PREX2: variants seen among roughly 807,000 people sequenced by gnomAD.
PREX2 encodes the protein phosphatidylinositol 3,4,5-trisphosphate-dependent Rac exchanger 2 protein.
Under a neutral mutation model 203.2 loss-of-function variants are expected in PREX2, and 107 were observed. That is an observed-to-expected ratio of 0.53 (90% CI 0.45 to 0.62). The LOEUF (loss-of-function observed/expected upper bound fraction) is 0.62. Among genes scored for constraint, PREX2 ranks in the 20% least tolerant of loss-of-function variants. PREX2 has a pLI of 0.00. For missense variants in PREX2, 1,777 were observed against 1,955.9 expected, an observed-to-expected ratio of 0.91 and a Z score of 1.72; for synonymous variants, 672 against 663.6, an observed-to-expected ratio of 1.01 and a Z score of -0.19.
At chr8:67,975,960 C>T (rs1259441928) in intron 1 of PREX2, among the ~76,000 whole-genome samples, 2 of 151,306 alleles carry the variant, frequency 1.3e-5, no homozygotes, top group Non-Finnish European at 2.9e-5. Flanking sequence ...AGGTGATCCA[C>T]CTACCTTGGC....
Position 68,058,527 on chromosome 8 carries a change from G to A in PREX2, c.1239-2152G>A, listed in dbSNP as rs185153537. Among the ~76,000 whole-genome samples, 181 of 151,990 alleles carry A rather than the reference G, an allele frequency of 1.2e-3. 2 individuals carry two copies. The highest frequency in any genetic ancestry group is 2.2e-3 in the Admixed American group (33 of 15,246). Reference sequence around the variant, plus strand: ...CAGCTCACTGCAAACTCTGCCTCCCGGGTTCAAGTTATTCTCCTGTCTCAG... The same window carrying A: ...CAGCTCACTGCAAACTCTGCCTCCCAGGTTCAAGTTATTCTCCTGTCTCAG... On this transcript the variant is annotated intron_variant, in intron 10 of 39. Transcript: ENST00000288368.
intron 11 of PREX2, among the ~76,000 whole-genome samples, chr8:68,061,357 G>C (rs138523997): frequency 9.3e-4 from 141 of 152,314 alleles, no homozygotes; most frequent in Middle Eastern, 3.4e-3. Flanking sequence ...TATTCCGAGG[G>C]GGGCCAGGAG....
rs201616007 is a variant in PREX2, at chr8:68,099,861, T to G, written c.2715+18T>G. The stretch of plus-strand genomic sequence containing the variant: ...ATAAAAAGGTAAGTGTTCTATTGAT[T>G]TTATACACAATTATTGTTGAAATTA... On this transcript the variant is annotated intron_variant, in intron 23 of 39. Transcript: ENST00000288368. The G allele has an allele frequency of 1.4e-5, 22 of 1,557,416 alleles. No homozygotes were observed. Among genetic ancestry groups the G allele is most frequent in the Non-Finnish European group, 1.9e-5 (21 of 1,128,842 alleles).
chr8:68,136,733 C>A (rs1182194748), intron 32 of PREX2, among the ~76,000 whole-genome samples: 2 of 152,140 alleles, frequency 1.3e-5, no homozygotes, highest in African/African-American at 4.8e-5. Flanking sequence ...CTATATTAAA[C>A]ATCACACCAA....
At chr8:68,197,791 T>A (rs1370270742) in intron 37 of PREX2, among the ~76,000 whole-genome samples, 2 of 148,528 alleles carry the variant, frequency 1.3e-5, no homozygotes, top group Non-Finnish European at 3.0e-5. Flanking sequence ...TATGCTATAT[T>A]ATATATATGC....
intron 37 of PREX2, among the ~76,000 whole-genome samples, chr8:68,193,686 C>A (rs1317187454): frequency 6.6e-6 from 1 of 152,172 alleles, no homozygotes; most frequent in Non-Finnish European, 1.5e-5. Flanking sequence ...AGGAAAGTTA[C>A]AGCTAAAGAG....
At chr8:68,092,761 T>G (rs928243173) in intron 20 of PREX2, among the ~76,000 whole-genome samples, 2 of 152,198 alleles carry the variant, frequency 1.3e-5, no homozygotes, top group Non-Finnish European at 1.5e-5. Context: ...TGTAAATGAT[T>G]TGTACAATTA....
intron 23 of PREX2, among the ~76,000 whole-genome samples, chr8:68,107,755 GGT>G (rs1234879501): frequency 6.6e-6 from 1 of 152,120 alleles, no homozygotes; most frequent in Non-Finnish European, 1.5e-5. Context: ...ATTCTCTCCT[GGT>G]GTCCTGGGAT....
At chr8:68,231,189 T>G in intron 39 of PREX2, 144 bp from the exon 40 acceptor site, 1 of 534,226 alleles carries the variant, frequency 1.9e-6, no homozygotes, top group East Asian at 3.5e-5. Flanking sequence ...TGCCAATTCA[T>G]ATGTTATTTT....
At chr8:68,227,185 G>A (rs973516129) in intron 39 of PREX2, among the ~76,000 whole-genome samples, 2 of 152,218 alleles carry the variant, frequency 1.3e-5, no homozygotes, top group Admixed American at 6.5e-5. Flanking sequence ...GGACAGCTAA[G>A]ACTGAAGCAG....
At chr8:68,180,027 T>G (rs566863725) in intron 35 of PREX2, among the ~76,000 whole-genome samples, 1 of 152,132 alleles carries the variant, frequency 6.6e-6, no homozygotes, top group Non-Finnish European at 1.5e-5. Flanking sequence ...CCTCCTCTGT[T>G]TTCTTCTTTC....
chr8:68,048,505 A>G (rs1472289490), intron 8 of PREX2, among the ~76,000 whole-genome samples: 1 of 152,012 alleles, frequency 6.6e-6, no homozygotes, highest in Non-Finnish European at 1.5e-5. Flanking sequence ...GTGTTCTTTA[A>G]AAGTAAGTCA....
intron 8 of PREX2, among the ~76,000 whole-genome samples, chr8:68,048,344 C>T (rs1435394282): frequency 1.3e-5 from 2 of 152,030 alleles, no homozygotes; most frequent in African/African-American, 4.8e-5. Context: ...AGTATTCTCT[C>T]TTATGCACTA....
intron 37 of PREX2, among the ~76,000 whole-genome samples, chr8:68,207,328 T>C (rs1163825454): frequency 6.6e-6 from 1 of 152,204 alleles, no homozygotes; most frequent in East Asian, 1.9e-4. Context: ...ATCTCCATAA[T>C]GCATTGATCA....
intron 37 of PREX2, among the ~76,000 whole-genome samples, chr8:68,205,051 C>T (rs1321800151): frequency 6.6e-6 from 1 of 152,144 alleles, no homozygotes; most frequent in Admixed American, 6.5e-5. Flanking sequence ...CATAGAAACC[C>T]AGTATGGTCA....
intron 1 of PREX2, among the ~76,000 whole-genome samples, chr8:67,986,644 G>A (rs970266526): frequency 2.6e-5 from 4 of 152,134 alleles, no homozygotes; most frequent in Non-Finnish European, 4.4e-5. Context: ...ACTTCTAATG[G>A]CAGGGGCTTG....
At chr8:68,057,358 G>T (rs539893891) in intron 10 of PREX2, among the ~76,000 whole-genome samples, 21 of 152,208 alleles carry the variant, frequency 1.4e-4, no homozygotes, top group African/African-American at 5.1e-4. Context: ...ATAGTAGTGT[G>T]GGAATGGACT....
In PREX2 at chr8:68,109,545, A is replaced by T; in HGVS notation, c.3068A>T (p.Gln1023Leu). The T allele has an allele frequency of 6.2e-7, 1 of 1,614,100 alleles. No individual in the cohort carries two copies. Among genetic ancestry groups the T allele is most frequent in the Non-Finnish European group, 8.5e-7 (1 of 1,179,946 alleles). The change falls in exon 25 of 40, where the codon CAA becomes CTA. Residue 1023 changes from glutamine to leucine, a missense_variant. Gln to Leu is a moderately radical substitution (Grantham distance 113). Coordinates refer to ENST00000288368, the MANE Select transcript of PREX2 (RefSeq NM_024870.4). The part of the protein sequence containing the change: ...YLLKEEDLET[Q>L]DIYQKLLGKL... ...CTAAAAGAAGAAGACTTAGAAACCC[A>T]AGACATCTATCAGAAACTGCTGGGC... is the stretch of plus-strand genomic sequence containing the variant.
intron 10 of PREX2, among the ~76,000 whole-genome samples, chr8:68,060,284 A>G (rs948018988): frequency 1.2e-4 from 18 of 152,136 alleles, no homozygotes; most frequent in Non-Finnish European, 2.4e-4. Context: ...ATATTAAGTT[A>G]TTACTACTCT....
Sources: allele counts gnomAD v4.1 joint callset (sites outside exome capture counted in the v4.1 genomes callset), GRCh38; gene constraint gnomAD v4.1.1; transcripts MANE v1.5; gene names NCBI Gene and HGNC (gene_info 2026-07-23, HGNC 2026-07-21).